Variants in ZC3H12B observed in about 807,000 individuals in gnomAD.
The protein encoded by ZC3H12B is probable ribonuclease ZC3H12B.
ZC3H12B carries 7 observed loss-of-function variants against 43.9 expected under a neutral mutation model. The observed-to-expected ratio is 0.16, with a 90% CI of 0.09 to 0.30. The LOEUF is 0.30. Ranked by LOEUF, ZC3H12B falls within the 10% of genes least tolerant of loss-of-function variation. ZC3H12B has a pLI of 1.00. For missense variants in ZC3H12B, 475 were observed against 670.2 expected, an observed-to-expected ratio of 0.71 and a Z score of 3.22; for synonymous variants, 222 against 241.7, an observed-to-expected ratio of 0.92 and a Z score of 0.76.
the ZC3H12B span, among the ~76,000 whole-genome samples, chrX:65,315,039 A>G: frequency 9.0e-6 from 1 of 111,505 alleles, no homozygotes; most frequent in African/African-American, 3.2e-5. Flanking sequence ...ACTAAAAATT[A>G]TTTTAAAATC....
the ZC3H12B span, among the ~76,000 whole-genome samples, chrX:65,093,709 C>G: frequency 2.7e-5 from 3 of 112,112 alleles, no homozygotes; most frequent in East Asian, 8.4e-4. Context: ...TGCTTATACC[C>G]CCATAGTATC....
the ZC3H12B span, among the ~76,000 whole-genome samples, chrX:65,041,605 C>T: frequency 8.9e-6 from 1 of 111,856 alleles, no homozygotes; most frequent in African/African-American, 3.2e-5. Context: ...ACTGTAGTAG[C>T]AATGTTATCT....
At chrX:65,104,190 T>C in the ZC3H12B span, among the ~76,000 whole-genome samples, 1 of 111,925 alleles carries the variant, frequency 8.9e-6, no homozygotes, top group African/African-American at 3.2e-5. Context: ...ATTTAATAAA[T>C]GGTGCTGGGA....
chrX:65,451,792 G>A (rs908424677), intron 3 of ZC3H12B, among the ~76,000 whole-genome samples: 1 of 111,927 alleles, frequency 8.9e-6, no homozygotes, highest in South Asian at 3.7e-4. Context: ...CTCTGGGTTT[G>A]TGCGTTTAAT....
At chrX:65,425,582 A>G (rs2067071007) in intron 3 of ZC3H12B, among the ~76,000 whole-genome samples, 1 of 111,304 alleles carries the variant, frequency 9.0e-6, no homozygotes, top group African/African-American at 3.3e-5. Flanking sequence ...ATTCCGTATG[A>G]TATTGGCTGT....
chrX:65,407,256 G>A (rs949303289), intron 3 of ZC3H12B, among the ~76,000 whole-genome samples: 1 of 112,303 alleles, frequency 8.9e-6, no homozygotes, highest in Admixed American at 9.2e-5. Context: ...GCGGCGCCCT[G>A]ATGCTCCCCG....
At chrX:65,251,861 T>A in the ZC3H12B span, among the ~76,000 whole-genome samples, 1 of 111,619 alleles carries the variant, frequency 9.0e-6, no homozygotes, top group Admixed American at 9.5e-5. Context: ...TTTCTAGATA[T>A]ACAATCATGT....
At chrX:65,267,542 G>T in the ZC3H12B span, among the ~76,000 whole-genome samples, 1 of 110,869 alleles carries the variant, frequency 9.0e-6, no homozygotes, top group Non-Finnish European at 1.9e-5. Flanking sequence ...CTCAGATATT[G>T]GACTCATTCG....
chrX:65,143,128 C>A, the ZC3H12B span, among the ~76,000 whole-genome samples: 1 of 111,330 alleles, frequency 9.0e-6, no homozygotes, highest in Non-Finnish European at 1.9e-5. Context: ...TTCTACCTAT[C>A]TATGAGCATG....
chrX:65,270,467 C>T, the ZC3H12B span, among the ~76,000 whole-genome samples: 8 of 111,615 alleles, frequency 7.2e-5, no homozygotes, highest in Non-Finnish European at 1.5e-4. Flanking sequence ...TTGACACTGG[C>T]ATTGGCAATC....
chrX:65,041,427 A>G, the ZC3H12B span, among the ~76,000 whole-genome samples: 1 of 112,044 alleles, frequency 8.9e-6, no homozygotes, highest in Non-Finnish European at 1.9e-5. Flanking sequence ...AGTTATAAGA[A>G]GGGAGGAACA....
At chrX:65,300,436 A>C in the ZC3H12B span, among the ~76,000 whole-genome samples, 2 of 111,383 alleles carry the variant, frequency 1.8e-5, no homozygotes, top group Non-Finnish European at 3.8e-5. Context: ...AGAGACAGCC[A>C]TAATCCTTCT....
At chrX:65,304,615 C>CCA in the ZC3H12B span, among the ~76,000 whole-genome samples, 2 of 69,753 alleles carry the variant, frequency 2.9e-5, no homozygotes, top group Non-Finnish European at 6.0e-5. Context: ...CACTCCGTCT[C>CCA]AAAAAAAAAA....
At chrX:65,243,242 A>G in the ZC3H12B span, among the ~76,000 whole-genome samples, 11 of 112,468 alleles carry the variant, frequency 9.8e-5, no homozygotes, top group African/African-American at 3.2e-4. Context: ...TGGATTAATA[A>G]CCAGAATATG....
the ZC3H12B span, among the ~76,000 whole-genome samples, chrX:65,265,678 TG>T: frequency 2.7e-5 from 3 of 112,260 alleles, no homozygotes. Flanking sequence ...TTTATTTTAA[TG>T]TCGAAGATAT....
chrX:65,458,257 A>G (rs1288784462), intron 3 of ZC3H12B, among the ~76,000 whole-genome samples: 3 of 109,587 alleles, frequency 2.7e-5, no homozygotes, highest in Admixed American at 9.8e-5. Context: ...CACAATAATA[A>G]TGGGAGACTT....
the ZC3H12B span, among the ~76,000 whole-genome samples, chrX:65,295,753 ATTAT>A: frequency 8.9e-6 from 1 of 111,852 alleles, no homozygotes; most frequent in South Asian, 3.7e-4. Context: ...AATACAAAAG[ATTAT>A]TTAAGGCTAC....
intron 1 of ZC3H12B, among the ~76,000 whole-genome samples, chrX:65,492,412 G>T (rs1450539401): frequency 1.8e-5 from 2 of 112,089 alleles, no homozygotes; most frequent in Non-Finnish European, 3.8e-5. Context: ...AATGAACTTT[G>T]ATCTCCTGTA....
the ZC3H12B span, among the ~76,000 whole-genome samples, chrX:65,163,935 G>A: frequency 8.9e-6 from 1 of 111,836 alleles, no homozygotes; most frequent in Non-Finnish European, 1.9e-5. Context: ...TGCTGGCAGA[G>A]TTTTAATGTA....
Sources: allele counts gnomAD v4.1 joint callset (sites outside exome capture counted in the v4.1 genomes callset), GRCh38; gene constraint gnomAD v4.1.1; transcripts MANE v1.5; gene names NCBI Gene and HGNC (gene_info 2026-07-23, HGNC 2026-07-21).